ADGRV1: variants seen among roughly 807,000 people sequenced by gnomAD.
The protein encoded by ADGRV1 is adhesion G protein-coupled receptor V1, also known as G-protein coupled receptor 98.
In ADGRV1, 359 loss-of-function variants were observed where a neutral mutation model predicts 596.2. The observed-to-expected ratio is 0.60, with a 90% CI of 0.55 to 0.66. ADGRV1 has a LOEUF of 0.66. ADGRV1 is among the 30% of genes least tolerant of loss of function. The pLI is 0.00. For missense variants in ADGRV1, 7,274 were observed against 7,575.6 expected (o/e 0.96, Z 1.48); for synonymous variants, 2,681 against 2,679.2 (o/e 1.00, Z -0.02).
chr5:90,936,450 C>T (rs1271081117), intron 83 of ADGRV1, among the ~76,000 whole-genome samples: 1 of 151,742 alleles, frequency 6.6e-6, no homozygotes, highest in Non-Finnish European at 1.5e-5. Context: ...TTTTAAAATG[C>T]GTGCCTTTTT....
chr5:90,787,589 TC>T (rs1426966754), intron 67 of ADGRV1, among the ~76,000 whole-genome samples: 2 of 141,082 alleles, frequency 1.4e-5, no homozygotes, highest in East Asian at 2.1e-4. Context: ...TTTCTTTCTT[TC>T]TTTTTTTTTT....
intron 89 of ADGRV1, among the ~76,000 whole-genome samples, chr5:91,156,111 C>T (rs1057277311): frequency 6.6e-6 from 1 of 152,054 alleles, no homozygotes; most frequent in Non-Finnish European, 1.5e-5. Flanking sequence ...CTGGTGGCTC[C>T]TAAATATTCA....
intron 4 of ADGRV1, among the ~76,000 whole-genome samples, chr5:90,621,882 TACTAGG>T (rs1430986763): frequency 1.3e-5 from 2 of 152,186 alleles, no homozygotes; most frequent in African/African-American, 2.4e-5. Flanking sequence ...ATATGTCAGG[TACTAGG>T]ATAAGCACTT....
chr5:90,559,065 G>A (rs936316203), intron 1 of ADGRV1, 148 bp downstream of exon 1: 4 of 592,008 alleles, frequency 6.8e-6, no homozygotes, highest in African/African-American at 5.9e-5. Flanking sequence ...CGCGCACCCG[G>A]CGCCGCGGCC....
chr5:90,613,778 T>C (rs1169292080), intron 1 of ADGRV1, among the ~76,000 whole-genome samples: 1 of 152,098 alleles, frequency 6.6e-6, no homozygotes, highest in African/African-American at 2.4e-5. Flanking sequence ...TCCTAAAATA[T>C]ATCAGGAACT....
intron 85 of ADGRV1, among the ~76,000 whole-genome samples, chr5:91,060,809 A>G (rs1787361848): frequency 6.7e-6 from 1 of 148,670 alleles, no homozygotes; most frequent in Non-Finnish European, 1.5e-5. Context: ...TAACTATCAC[A>G]TAAAGCCACA....
chr5:90,990,006 C>T (rs956047455), intron 85 of ADGRV1, among the ~76,000 whole-genome samples: 3 of 151,990 alleles, frequency 2.0e-5, no homozygotes, highest in South Asian at 2.1e-4. Flanking sequence ...TTAGTAGGGA[C>T]GGGGTTTCTC....
chr5:90,824,315 A>AT (rs376008376), intron 76 of ADGRV1, among the ~76,000 whole-genome samples: 7 of 152,262 alleles, frequency 4.6e-5, no homozygotes, highest in South Asian at 2.1e-4. Context: ...AGCTGTCTTG[A>AT]TTTTTTCCCT....
intron 76 of ADGRV1, chr5:90,825,674 A>T (rs1455458920): frequency 6.6e-6 from 1 of 152,164 alleles, no homozygotes; most frequent in Non-Finnish European, 1.5e-5. Flanking sequence ...AGAAATAGGA[A>T]AGTTAAAGTA....
At chr5:90,798,854 AG>A (rs1217324150) in intron 70 of ADGRV1, among the ~76,000 whole-genome samples, 1 of 152,232 alleles carries the variant, frequency 6.6e-6, no homozygotes, top group Non-Finnish European at 1.5e-5. Flanking sequence ...GATGCAGAAA[AG>A]GCCTTTGACA....
intron 83 of ADGRV1, 100 bp from the exon 84 acceptor site, chr5:90,965,315 A>G: frequency 1.3e-6 from 1 of 741,732 alleles, no homozygotes; most frequent in South Asian, 1.5e-5. Context: ...TTCACATGGA[A>G]TCACTGAGTC....
intron 34 of ADGRV1, among the ~76,000 whole-genome samples, chr5:90,700,414 A>G (rs1747763125): frequency 6.6e-6 from 1 of 152,154 alleles, no homozygotes; most frequent in African/African-American, 2.4e-5. Context: ...GTAGAATCCT[A>G]TTTCTACATT....
chr5:90,601,829 T>G (rs1257165847), intron 1 of ADGRV1, among the ~76,000 whole-genome samples: 4 of 152,190 alleles, frequency 2.6e-5, no homozygotes, highest in African/African-American at 9.7e-5. Context: ...AGAAAGTGGT[T>G]TGCAAGTGAT....
intron 87 of ADGRV1, among the ~76,000 whole-genome samples, chr5:91,143,874 C>T (rs1795313675): frequency 6.6e-6 from 1 of 152,214 alleles, no homozygotes. Context: ...CAGCCCCCCT[C>T]AGCCTCCCTC....
intron 75 of ADGRV1, among the ~76,000 whole-genome samples, chr5:90,819,084 A>G (rs1287830939): frequency 6.6e-6 from 1 of 152,162 alleles, no homozygotes; most frequent in Non-Finnish European, 1.5e-5. Flanking sequence ...TTATTGCTAC[A>G]ATTTCAGCTC....
At chr5:90,585,235 A>AT (rs1758597497) in intron 1 of ADGRV1, among the ~76,000 whole-genome samples, 1 of 152,214 alleles carries the variant, frequency 6.6e-6, no homozygotes. Flanking sequence ...TGTATAAAAA[A>AT]TTCAAGGGTA....
At chr5:90,689,162 CAATAAA>C (rs1005228826) in intron 29 of ADGRV1, among the ~76,000 whole-genome samples, 2 of 151,966 alleles carry the variant, frequency 1.3e-5, no homozygotes, top group African/African-American at 4.8e-5. Context: ...CTTGAAAAGA[CAATAAA>C]CCAGGCCCAT....
chr5:90,726,777 C>T (rs914681172), intron 48 of ADGRV1, among the ~76,000 whole-genome samples: 1 of 151,812 alleles, frequency 6.6e-6, no homozygotes, highest in Admixed American at 6.6e-5. Flanking sequence ...GTTCAAATTT[C>T]TTTTTTCTTT....
chr5:90,628,218 C>T (rs2149379857), intron 7 of ADGRV1, among the ~76,000 whole-genome samples: 2 of 42,008 alleles, frequency 4.8e-5, no homozygotes, highest in African/African-American at 3.5e-4. Flanking sequence ...AGACCCCGCC[C>T]ACAAAATAAA....
Sources: allele counts gnomAD v4.1 joint callset (sites outside exome capture counted in the v4.1 genomes callset), GRCh38; gene constraint gnomAD v4.1.1; transcripts MANE v1.5; gene names NCBI Gene and HGNC (gene_info 2026-07-23, HGNC 2026-07-21).